FAM240C: variants seen among roughly 807,000 people sequenced by gnomAD.
FAM240C encodes the protein family with sequence similarity 240 member C.
Under a neutral mutation model 10.0 loss-of-function variants are expected in FAM240C, and 14 were observed. The observed-to-expected ratio is 1.40, with a 90% CI of 0.92 to 2.19. The LOEUF is 2.19. Among genes scored for constraint, FAM240C ranks in the 30% most tolerant of loss-of-function variants. The pLI is 0.00. For missense variants in FAM240C, 154 were observed against 122.3 expected, an observed-to-expected ratio of 1.26 and a Z score of -1.22; for synonymous variants, 49 against 44.3, an observed-to-expected ratio of 1.11 and a Z score of -0.42.
At position 241,894,055 on chromosome 2, in the gene FAM240C, T is replaced by A. The variant is rs964365358; in HGVS notation, c.*158A>T. ...AGAACCCTGGGACTCTGCTGCAGCG[T>A]GGACCCCGAGGTGGGATTATTACGG... On this transcript the variant is annotated 3_prime_UTR_variant, in exon 3 of 3. Transcript: ENST00000404031. The A allele has an allele frequency of 1.3e-6, 1 of 769,916 alleles. No homozygotes were observed. The highest frequency in any genetic ancestry group is 2.0e-6 in the Non-Finnish European group (1 of 500,854). 47.7% of individuals were successfully genotyped at this position (769,916 alleles called of 1,614,324 possible).
chr2:241,894,468 G>T, intron 2 of FAM240C, 129 bp from the exon 3 acceptor site: 1 of 1,062,766 alleles, frequency 9.4e-7, no homozygotes, highest in Non-Finnish European at 1.3e-6. Context: ...AGGGGTGGGG[G>T]TGTCACCGCA....
At chr2:241,900,539 G>A (rs747033641), upstream of FAM240C, 135 of 614,020 alleles carry the variant, frequency 2.2e-4, no homozygotes, top group Middle Eastern at 1.8e-3. This position sits in a 1 kb window ranked among gnomAD's most constrained non-coding sequence, Gnocchi z 4.5. Context: ...TCTGGGCACC[G>A]TCCCTGGCAG....
intron 1 of FAM240C, among the ~76,000 whole-genome samples, chr2:241,899,552 C>A (rs113436212): frequency 0.019 from 2,934 of 152,290 alleles, 108 homozygotes; most frequent in African/African-American, 0.068. Context: ...AGACGCCTCC[C>A]GGAGTGAAGC....
chr2:241,899,132 G>GGTAA, intron 1 of FAM240C: 1 of 1,304,242 alleles, frequency 7.7e-7, no homozygotes, highest in Non-Finnish European at 1.0e-6. Context: ...AGGTGGAGAG[G>GGTAA]GTAAGGGTGC....
At chr2:241,896,601 A>ATTG (rs1701818253) in intron 2 of FAM240C, among the ~76,000 whole-genome samples, 3 of 3,100 alleles carry the variant, frequency 9.7e-4, no homozygotes, top group African/African-American at 2.4e-3. Flanking sequence ...GTGTGGGTGA[A>ATTG]GGGGTGTGGG....
upstream of FAM240C, chr2:241,902,431 TCCGCCTGCCAGCCCGGAACG>T (rs2124931086): frequency 7.2e-6 from 1 of 138,712 alleles, no homozygotes; most frequent in East Asian, 2.2e-4. The surrounding 1 kb of genome is among the most constrained non-coding windows in gnomAD (Gnocchi z 7.1). Flanking sequence ...CCGCCTCCCC[TCCGCCTGCCAGCCCGGAACG>T]CCGCCTCCAA....
At chr2:241,894,456 C>G in intron 2 of FAM240C, 117 bp from the exon 3 acceptor site, 1 of 1,199,770 alleles carries the variant, frequency 8.3e-7, no homozygotes, top group Non-Finnish European at 1.1e-6. Context: ...ACACTCCCTG[C>G]CAGGGGTGGG....
upstream of FAM240C, among the ~76,000 whole-genome samples, chr2:241,901,502 G>A (rs1701983027): frequency 1.3e-5 from 2 of 151,964 alleles, no homozygotes; most frequent in Non-Finnish European, 2.9e-5. This position sits in a 1 kb window ranked among gnomAD's most constrained non-coding sequence, Gnocchi z 4.9. Flanking sequence ...CTGGAGTTCT[G>A]TGGGTGTCAT....
chr2:241,901,392 T>C (rs960641275), upstream of FAM240C, among the ~76,000 whole-genome samples: 1 of 152,374 alleles, frequency 6.6e-6, no homozygotes, highest in South Asian at 2.1e-4. This position sits in a 1 kb window ranked among gnomAD's most constrained non-coding sequence, Gnocchi z 4.9. Context: ...AAGTCATTGA[T>C]AGTTTCAGGT....
At chr2:241,897,007 G>A (rs187088930) in intron 2 of FAM240C, among the ~76,000 whole-genome samples, 179 bp downstream of exon 2, 6 of 152,018 alleles carry the variant, frequency 3.9e-5, no homozygotes, top group South Asian at 2.1e-4. Flanking sequence ...ACTAAGGTGA[G>A]TGAATGGCTG....
At chr2:241,898,569 CAAAAA>C (rs1037316254) in intron 1 of FAM240C, among the ~76,000 whole-genome samples, 2 of 143,262 alleles carry the variant, frequency 1.4e-5, no homozygotes, top group African/African-American at 5.2e-5. Flanking sequence ...AACAAACAAA[CAAAAA>C]AAGAATGTCC....
rs1370903404 is a variant in FAM240C at position 241,897,516 on chromosome 2, GACCGGCTCCTAAACGCTCT to G, written c.13-201_13-183del. Among the ~76,000 whole-genome samples, 5 of 152,170 alleles carry G rather than the reference GACCGGCTCCTAAACGCTCT, an allele frequency of 3.3e-5. No homozygotes were observed. The East Asian group carries it at 9.6e-4, about 29-fold the overall frequency. ...GAGACTCAGGCCTCAGGTGGCTCCTGACCGGCTCCTAAACGCTCTACCGGCTCCACCTTCTGGAGCAGTC... is the reference window on the plus strand; with the variant it reads ...GAGACTCAGGCCTCAGGTGGCTCCTGACCGGCTCCACCTTCTGGAGCAGTC... On this transcript the variant is annotated intron_variant, in intron 1 of 2. Transcript: ENST00000404031.
intron 2 of FAM240C, 27 bp downstream of exon 2, chr2:241,897,159 C>A: frequency 6.5e-7 from 1 of 1,546,990 alleles, no homozygotes; most frequent in East Asian, 2.4e-5. Context: ...CATAGGGGTC[C>A]CCGATGCACT....
intron 2 of FAM240C, among the ~76,000 whole-genome samples, chr2:241,895,462 T>A (rs1411526143): frequency 1.3e-5 from 2 of 152,174 alleles, no homozygotes; most frequent in East Asian, 3.9e-4. Flanking sequence ...GAATGGCCGG[T>A]CTCCCACATG....
chr2:241,898,984 G>T, intron 1 of FAM240C: 1 of 627,450 alleles, frequency 1.6e-6, no homozygotes, highest in Non-Finnish European at 2.6e-6. Flanking sequence ...GCTTGGCCTT[G>T]GAGGCATTTC....
In FAM240C at chr2:241,900,302, A is replaced by C; in HGVS notation, c.12+56T>G. 1.4e-6 allele frequency: 1 copy of C among 716,044 alleles called. No homozygotes were observed. Among genetic ancestry groups the C allele is most frequent in the East Asian group, 2.7e-5 (1 of 37,236 alleles). The allele number at this position is 716,044 out of a possible 1,614,324, so 44.4% of individuals were successfully genotyped here. ...CTGTTCACCTTTTGGGGGCCCCCAA[A>C]TGCAGCGCCAATCTCTCAAGCAAGG... On this transcript the variant is annotated intron_variant, in intron 1 of 2. Coordinates refer to ENST00000404031, the MANE Select transcript of FAM240C (RefSeq NM_001382368.1). The surrounding 1 kb of genome is among the most constrained non-coding windows in gnomAD (Gnocchi z 4.5).
intron 2 of FAM240C, among the ~76,000 whole-genome samples, chr2:241,896,398 T>G (rs1428856689): frequency 6.6e-6 from 1 of 151,622 alleles, no homozygotes; most frequent in Non-Finnish European, 1.5e-5. Flanking sequence ...TCAAGGGCAG[T>G]GATCTCAGAA....
At chr2:241,901,261 G>C (rs992301557), upstream of FAM240C, among the ~76,000 whole-genome samples, 2 of 152,124 alleles carry the variant, frequency 1.3e-5, no homozygotes, top group Non-Finnish European at 2.9e-5. The surrounding 1 kb of genome is among the most constrained non-coding windows in gnomAD (Gnocchi z 4.9). Flanking sequence ...TCCTGGACGG[G>C]GTTCCTCTCC....
Position 241,894,252 on chromosome 2 carries a change from G to C in FAM240C, c.249C>G (p.Ala83=). The part of the protein sequence containing the change: ...PGRCPDRVPE[A]TESLHTKDKK... ...TGTCCTTGGTGTGGAGGGACTCAGT[G>C]GCCTCCGGGACCCTGTCTGGGCATC... Residue 83 remains alanine (A), a synonymous_variant, in exon 3 of 3, where the codon GCC becomes GCG. Transcript: ENST00000404031. The C allele has an allele frequency of 6.5e-7, 1 of 1,550,028 alleles. No individual in the cohort carries two copies. Among genetic ancestry groups the C allele is most frequent in the Non-Finnish European group, 8.7e-7 (1 of 1,146,806 alleles).
Sources: gnomAD v4.1 joint callset for allele counts (sites outside exome capture counted in the v4.1 genomes callset) on GRCh38, gnomAD v4.1.1 for gene constraint, Gnocchi (gnomAD v3.1) non-coding constraint, MANE v1.5 for transcripts, NCBI Gene and HGNC (gene_info 2026-07-23, HGNC 2026-07-21) for gene names.